The following TTC1 variants were observed in gnomAD, a reference collection of about 807,000 sequenced individuals.
The protein encoded by TTC1 is tetratricopeptide repeat domain 1.
Under a neutral mutation model 37.6 loss-of-function variants are expected in TTC1, and 31 were observed. The ratio of observed to expected loss-of-function variants is 0.82; its 90% CI spans 0.62 to 1.11. The LOEUF (loss-of-function observed/expected upper bound fraction) is 1.11, where lower values mean the gene tolerates loss of function less well. Among genes scored for constraint, TTC1 ranks in the 50% most tolerant of loss-of-function variants. The probability of loss-of-function intolerance (pLI) is 0.00; values close to 1 mark genes in which losing one functional copy is unlikely to be tolerated. For synonymous variants in TTC1, 127 were observed against 122.4 expected (o/e 1.04, Z -0.25); for missense variants, 351 against 339.0 (o/e 1.04, Z -0.28).
chr5:160,038,086 G>GT lies in TTC1; in HGVS notation c.504+1295dup, dbSNP rs1031610190. On this transcript the variant is annotated intron_variant, in intron 4 of 7. Coordinates refer to ENST00000231238, the MANE Select transcript of TTC1 (RefSeq NM_003314.3). The stretch of plus-strand genomic sequence containing the variant: ...TGCTTGGACATGCAGAAAGGTTACG[G>GT]TTTTTTTTTTTTACCAGAACTTGTG... Among the ~76,000 whole-genome samples, 866 of 144,556 alleles carry GT rather than the reference G, an allele frequency of 6.0e-3. 2 individuals are homozygous for GT. Among genetic ancestry groups the GT allele is most frequent in the Middle Eastern group, 0.018 (5 of 274 alleles). The allele number at this position is 144,556 out of a possible 152,430, so 94.8% of individuals were successfully genotyped here.
chr5:160,054,726 G>A (rs1230878785), intron 7 of TTC1, among the ~76,000 whole-genome samples: 2 of 152,092 alleles, frequency 1.3e-5, no homozygotes, highest in Admixed American at 1.3e-4. Flanking sequence ...GAATAATCAG[G>A]TTAGTTTGAG....
rs566953998 is a variant in TTC1, at chr5:160,062,985, C to T, written c.746-1947C>T. ...CTGTGCCGCTGCCTTGTGCAGGCAC[C>T]CAGGGTTTATGCCAGTGATTTCCTG... On this transcript the variant is annotated intron_variant, in intron 7 of 7. Transcript: ENST00000231238. Among the ~76,000 whole-genome samples the T allele has an allele frequency of 2.0e-5, 3 of 152,220 alleles. No individual in the cohort carries two copies. The South Asian group carries it at 6.2e-4, about 32-fold the overall frequency.
At chr5:160,021,287 C>T (rs1232152934) in intron 2 of TTC1, among the ~76,000 whole-genome samples, 1 of 152,190 alleles carries the variant, frequency 6.6e-6, no homozygotes, top group Non-Finnish European at 1.5e-5. Context: ...TCCAGATGGA[C>T]ACAGATGACT....
intron 5 of TTC1, among the ~76,000 whole-genome samples, chr5:160,046,826 T>C (rs183535864): frequency 1.5e-3 from 226 of 152,134 alleles, no homozygotes; most frequent in African/African-American, 5.3e-3. Context: ...AGCCTGATCA[T>C]TATGGTGAAA....
chr5:160,045,505 C>G (rs369239959), intron 5 of TTC1, among the ~76,000 whole-genome samples: 2 of 97,276 alleles, frequency 2.1e-5, no homozygotes, highest in East Asian at 3.6e-4. Context: ...CACACACACA[C>G]ACACACACAT....
chr5:160,029,750 C>T (rs1344557651), intron 2 of TTC1, among the ~76,000 whole-genome samples: 2 of 152,168 alleles, frequency 1.3e-5, no homozygotes, highest in East Asian at 1.9e-4. Context: ...CAGAATACTA[C>T]ACCTGGAATA....
Position 160,035,716 on chromosome 5 carries a change from A to C in TTC1, c.391+516A>C, listed in dbSNP as rs368143716. ...TTCTTTGGATGCCTTAAGTAGGGAG[A>C]TTCTTCATGTCCTTCTGCATTTTCT... On this transcript the variant is annotated intron_variant, in intron 3 of 7. Coordinates refer to ENST00000231238, the MANE Select transcript of TTC1 (RefSeq NM_003314.3). Among the ~76,000 whole-genome samples the C allele has an allele frequency of 1.1e-4, 17 of 152,212 alleles. 1 individual carries two copies. Among genetic ancestry groups the C allele is most frequent in the African/African-American group, 4.1e-4 (17 of 41,532 alleles).
chr5:160,055,609 C>T (rs1757525188), intron 7 of TTC1, among the ~76,000 whole-genome samples: 1 of 152,238 alleles, frequency 6.6e-6, no homozygotes, highest in African/African-American at 2.4e-5. Context: ...CCTACTGAAT[C>T]AGAGATTTAA....
chr5:160,044,510 C>T (rs954026153), intron 5 of TTC1, among the ~76,000 whole-genome samples: 8 of 152,194 alleles, frequency 5.3e-5, no homozygotes, highest in African/African-American at 1.9e-4. Context: ...GGTCCCTCCC[C>T]TTTTTAGAAT....
chr5:160,049,935 C>T (rs771298810), intron 6 of TTC1, among the ~76,000 whole-genome samples: 37 of 151,790 alleles, frequency 2.4e-4, no homozygotes, highest in Admixed American at 4.6e-4. Flanking sequence ...AAAAATTAGC[C>T]GGGTGTGGTC....
At chr5:160,042,956 T>TC (rs1229042838) in intron 4 of TTC1, among the ~76,000 whole-genome samples, 177 bp from the exon 5 acceptor site, 1 of 152,162 alleles carries the variant, frequency 6.6e-6, no homozygotes, top group Non-Finnish European at 1.5e-5. Context: ...GCCATCCCCA[T>TC]CCCCGTGTTA....
intron 4 of TTC1, among the ~76,000 whole-genome samples, chr5:160,037,489 G>A (rs546302751): frequency 7.5e-4 from 114 of 152,314 alleles, no homozygotes; most frequent in Admixed American, 2.6e-3. Flanking sequence ...GCCGAGGCGG[G>A]CACATCACCT....
chr5:160,025,790 G>C (rs969438976), intron 2 of TTC1, among the ~76,000 whole-genome samples: 2 of 152,154 alleles, frequency 1.3e-5, no homozygotes, highest in African/African-American at 4.8e-5. Context: ...TTATTTAAAA[G>C]ATAGGGTCTA....
intron 1 of TTC1, among the ~76,000 whole-genome samples, chr5:160,009,448 T>C (rs528630182): frequency 2.4e-4 from 36 of 152,284 alleles, no homozygotes; most frequent in African/African-American, 8.4e-4. Flanking sequence ...ACAAGGGTCG[T>C]TGGCGTGATT....
At position 160,010,726 on chromosome 5, in the gene TTC1, C is replaced by T; in HGVS notation, c.198C>T (p.Cys66=). ...DQGEEECFHD[C]SASFEEEPGA... Reference sequence around the variant, plus strand: ...GAGAAGAGGAGTGTTTTCATGACTGCAGTGCCTCATTTGAGGAGGAGCCAG... The same window carrying T: ...GAGAAGAGGAGTGTTTTCATGACTGTAGTGCCTCATTTGAGGAGGAGCCAG... The change falls in exon 2 of 8, where the codon TGC becomes TGT. Residue 66 remains cysteine (C), a synonymous_variant. Coordinates refer to ENST00000231238, the MANE Select transcript of TTC1 (RefSeq NM_003314.3). 1 of 1,613,978 alleles carries T rather than the reference C, an allele frequency of 6.2e-7. No homozygotes were observed. Among genetic ancestry groups the T allele is most frequent in the Non-Finnish European group, 8.5e-7 (1 of 1,179,924 alleles).
At position 160,010,694 on chromosome 5, in the gene TTC1, G is replaced by C; in HGVS notation, c.166G>C (p.Asp56His). ...LRDDEAHLQE[D>H]QGEEECFHDC... ...GGATGATGAGGCCCATCTCCAGGAG[G>C]ACCAGGGAGAAGAGGAGTGTTTTCA... The change falls in exon 2 of 8, where the codon GAC (aspartate) becomes CAC (histidine). Residue 56 changes from aspartate to histidine, a missense_variant. By Grantham distance (81) the Asp-to-His change is moderately conservative (BLOSUM62 -1). Transcript: ENST00000231238. 1.2e-6 allele frequency: 2 copies of C among 1,613,802 alleles called. No homozygotes were observed. The highest frequency in any genetic ancestry group is 1.7e-6 in the Non-Finnish European group (2 of 1,179,872).
chr5:160,037,666 A>G (rs60783658), intron 4 of TTC1, among the ~76,000 whole-genome samples: 14,885 of 152,132 alleles, frequency 0.098, 853 homozygotes, highest in Admixed American at 0.19. Context: ...AGTGCACTGC[A>G]CTCTGGCCTG....
intron 7 of TTC1, among the ~76,000 whole-genome samples, 176 bp downstream of exon 7, chr5:160,051,359 C>CT (rs948179786): frequency 6.6e-6 from 1 of 151,964 alleles, no homozygotes; most frequent in African/African-American, 2.4e-5. Flanking sequence ...AGGGTATTGG[C>CT]TTTTTTTGGA....
chr5:160,049,377 C>G (rs368299600), intron 5 of TTC1, 137 bp from the exon 6 acceptor site: 14 of 758,464 alleles, frequency 1.8e-5, no homozygotes, highest in East Asian at 9.4e-5. Context: ...AAAAAGTTTT[C>G]CAGCATCAGG....
Sources: gnomAD v4.1 joint callset for allele counts (sites outside exome capture counted in the v4.1 genomes callset) on GRCh38, gnomAD v4.1.1 for gene constraint, MANE v1.5 for transcripts, NCBI Gene and HGNC (gene_info 2026-07-23, HGNC 2026-07-21) for gene names.